The following TMEM30B variants were observed in gnomAD, a reference collection of about 807,000 sequenced individuals.
TMEM30B encodes cell cycle control protein 50B.
TMEM30B carries 25 observed loss-of-function variants against 27.9 expected under a neutral mutation model. That is an observed-to-expected ratio of 0.89 (90% CI 0.65 to 1.25). TMEM30B has a LOEUF of 1.25. Ranked by LOEUF, TMEM30B falls within the 50% of genes most tolerant of loss-of-function variation. The pLI is 0.00. For synonymous variants in TMEM30B, 248 were observed against 238.5 expected (o/e 1.04, Z -0.37); for missense variants, 536 against 506.5 (o/e 1.06, Z -0.56).
Position 61,278,784 on chromosome 14 carries a change from G to T in TMEM30B, c.*1308C>A, listed in dbSNP as rs2140090601. On this transcript the variant is annotated 3_prime_UTR_variant, in exon 1 of 1. Coordinates refer to ENST00000555868, the MANE Select transcript of TMEM30B (RefSeq NM_001017970.3). Reference sequence around the variant, plus strand: ...TGTTAATCAATAAAATCAATGGAATGATTTTAGTTGAGTGTAAACTTCATC... The same window carrying T: ...TGTTAATCAATAAAATCAATGGAATTATTTTAGTTGAGTGTAAACTTCATC... 6.6e-6 allele frequency: 1 copy of T among 152,192 alleles called. No homozygotes were observed. Among genetic ancestry groups the T allele is most frequent in the African/African-American group, 2.4e-5 (1 of 41,530 alleles). 9.4% of individuals were successfully genotyped at this position (152,192 alleles called of 1,614,324 possible).
Position 61,280,344 on chromosome 14 carries a change from G to T in TMEM30B, c.804C>A (p.Arg268=). 1 of 1,613,944 alleles carries T rather than the reference G, an allele frequency of 6.2e-7. No homozygotes were observed. Among genetic ancestry groups the T allele is most frequent in the Non-Finnish European group, 8.5e-7 (1 of 1,179,938 alleles). The change falls in exon 1 of 1, where the codon CGC becomes CGA. Residue 268 remains arginine, a synonymous_variant. Transcript: ENST00000555868. This position sits in a 1 kb window ranked among gnomAD's most constrained non-coding sequence, Gnocchi z 5.0. ...CGGCCGAGTAGTTGCCCTGGCGGAT[G>T]CGCGCGTACAGTTTGCGGAACGTGG... The part of the protein sequence containing the change: ...ALPTFRKLYA[R]IRQGNYSAGL...
In TMEM30B at chr14:61,280,876, G is replaced by C. The variant is rs137950125; in HGVS notation, c.272C>G (p.Pro91Arg). The C allele has an allele frequency of 3.7e-4, 574 of 1,563,116 alleles. 1 individual carries two copies. The highest frequency in any genetic ancestry group is 4.7e-4 in the Non-Finnish European group (541 of 1,162,182). Residue 91 changes from proline to arginine, a missense_variant, in exon 1 of 1, where the codon CCC becomes CGC. Coordinates refer to ENST00000555868, the MANE Select transcript of TMEM30B (RefSeq NM_001017970.3). This position sits in a 1 kb window ranked among gnomAD's most constrained non-coding sequence, Gnocchi z 5.0. ...CGAGAAGTACCAGGCGCACGAGCAG[G>C]GGGGCGGCAGCGCCCGGCCCTGGCC... ...AAGQGRALPPPCSCAWYFSLP... is the reference protein window; with the variant it reads ...AAGQGRALPPRCSCAWYFSLP...
rs1183109487 is a variant in TMEM30B at position 61,278,881 on chromosome 14, A to C, written c.*1211T>G. The C allele has an allele frequency of 6.6e-6, 1 of 152,046 alleles. No individual in the cohort carries two copies. The highest frequency in any genetic ancestry group is 2.4e-5 in the African/African-American group (1 of 41,426). The allele number at this position is 152,046 out of a possible 1,614,324, so 9.4% of individuals were successfully genotyped here. ...TATATGCTTTAACATTGATTCAAAT[A>C]TGATTACTAGAAATCAATAGATTTC... On this transcript the variant is annotated 3_prime_UTR_variant, in exon 1 of 1. Transcript: ENST00000555868.
chr14:61,279,996 G>T lies in TMEM30B; in HGVS notation c.*96C>A. 1.9e-6 allele frequency: 2 copies of T among 1,075,556 alleles called. No individual in the cohort carries two copies. The highest frequency in any genetic ancestry group is 5.5e-5 in the Admixed American group (2 of 36,272). 66.6% of individuals were successfully genotyped at this position (1,075,556 alleles called of 1,614,324 possible). On this transcript the variant is annotated 3_prime_UTR_variant, in exon 1 of 1. Coordinates refer to ENST00000555868, the MANE Select transcript of TMEM30B (RefSeq NM_001017970.3). Reference sequence around the variant, plus strand: ...CATTCACAAAGGGAGGAAAAGCTAGGCGAGGTTGGAATTGGGTGACGGGCG... The same window carrying T: ...CATTCACAAAGGGAGGAAAAGCTAGTCGAGGTTGGAATTGGGTGACGGGCG...
rs2045229745 is a variant in TMEM30B, at chr14:61,278,984, C to CACACACACACAT, written c.*1107_*1108insATGTGTGTGTGT. ...ATGAAGCCCTTTCTAATCACACACA[C>CACACACACACAT]ACACACACACACACACACACACACA... On this transcript the variant is annotated 3_prime_UTR_variant, in exon 1 of 1. Transcript: ENST00000555868. 7.5e-6 allele frequency: 1 copy of CACACACACACAT among 132,940 alleles called. No homozygotes were observed. The highest frequency in any genetic ancestry group is 1.6e-5 in the Non-Finnish European group (1 of 61,234). The allele number at this position is 132,940 out of a possible 1,614,324, so 8.2% of individuals were successfully genotyped here. A position where few individuals can be genotyped will look rare whatever the true frequency, so the allele number is the denominator to read the frequency against.
At position 61,280,407 on chromosome 14, in the gene TMEM30B, A is replaced by C. The variant is rs1252979282; in HGVS notation, c.741T>G (p.Asn247Lys). Residue 247 changes from asparagine (N) to lysine (K), a missense_variant, in exon 1 of 1, where the codon AAT becomes AAG. Asn to Lys is a moderately conservative substitution (Grantham distance 94, BLOSUM62 0). Transcript: ENST00000555868. The surrounding 1 kb of genome is among the most constrained non-coding windows in gnomAD (Gnocchi z 5.0). ...TGCGCATCCACACCACGAAGTCCTGATTGATGAAGCCGGTGTTGTTGGGGT... is the reference window on the plus strand; with the variant it reads ...TGCGCATCCACACCACGAAGTCCTGCTTGATGAAGCCGGTGTTGTTGGGGT... ...SPDPNNTGFI[N>K]QDFVVWMRTA... The C allele has an allele frequency of 1.9e-6, 3 of 1,613,980 alleles. No individual in the cohort carries two copies. In the South Asian group the frequency reaches 3.3e-5, roughly 18 times the overall value.
rs772294789 is a variant in TMEM30B at position 61,280,475 on chromosome 14, G to A, written c.673C>T (p.Pro225Ser). The A allele has an allele frequency of 3.7e-6, 6 of 1,613,234 alleles. No individual in the cohort carries two copies. The highest frequency in any genetic ancestry group is 1.7e-5 in the Admixed American group (1 of 59,972). ...SLALAFQGTA[P>S]PPNWRRPVYE... is the part of the protein sequence containing the mutation. ...ACTGGCCGGCGCCAGTTGGGCGGGG[G>A]CGCCGTGCCCTGGAAGGCCAACGCC... The change falls in exon 1 of 1, where the codon CCC becomes TCC. Residue 225 changes from proline (P) to serine (S), a missense_variant. Pro to Ser is a moderately conservative substitution (Grantham distance 74). Coordinates refer to ENST00000555868, the MANE Select transcript of TMEM30B (RefSeq NM_001017970.3). The surrounding 1 kb of genome is among the most constrained non-coding windows in gnomAD (Gnocchi z 5.0).
rs1022730577 is a variant in TMEM30B at position 61,279,900 on chromosome 14, T to A, written c.*192A>T. On this transcript the variant is annotated 3_prime_UTR_variant, in exon 1 of 1. Transcript: ENST00000555868. ...AGGATGTTTCACTCTGCAGTCAACATCCCTCCCCGCGGCAAGACAGTCTAG... is the reference window on the plus strand; with the variant it reads ...AGGATGTTTCACTCTGCAGTCAACAACCCTCCCCGCGGCAAGACAGTCTAG... The A allele has an allele frequency of 5.7e-5, 34 of 596,652 alleles. No individual in the cohort carries two copies. The highest frequency in any genetic ancestry group is 4.5e-4 in the Middle Eastern group (1 of 2,240). 37.0% of individuals were successfully genotyped at this position (596,652 alleles called of 1,614,324 possible). A position where few individuals can be genotyped will look rare whatever the true frequency, so the allele number is the denominator to read the frequency against.
At position 61,278,875 on chromosome 14, in the gene TMEM30B, T is replaced by G. The variant is rs558880142; in HGVS notation, c.*1217A>C. On this transcript the variant is annotated 3_prime_UTR_variant, in exon 1 of 1. Transcript: ENST00000555868. ...AGACTATATATGCTTTAACATTGAT[T>G]CAAATATGATTACTAGAAATCAATA... 1.3e-5 allele frequency: 2 copies of G among 152,060 alleles called. No homozygotes were observed. The highest frequency in any genetic ancestry group is 1.5e-5 in the Non-Finnish European group (1 of 67,994). 9.4% of individuals were successfully genotyped at this position (152,060 alleles called of 1,614,324 possible). A position where few individuals can be genotyped will look rare whatever the true frequency, so the allele number is the denominator to read the frequency against.
chr14:61,281,281 C>T lies in TMEM30B; in HGVS notation c.-134G>A. 2.3e-6 allele frequency: 1 copy of T among 436,058 alleles called. No homozygotes were observed. Among genetic ancestry groups the T allele is most frequent in the Non-Finnish European group, 3.9e-6 (1 of 256,634 alleles). The allele number at this position is 436,058 out of a possible 1,614,324, so 27.0% of individuals were successfully genotyped here. Reference sequence around the variant, plus strand: ...CCCGCCAGCTCAGGTGGGTTTTTGCCCGGGCCCCTCCTCTGCCTCCGTCAC... The same window carrying T: ...CCCGCCAGCTCAGGTGGGTTTTTGCTCGGGCCCCTCCTCTGCCTCCGTCAC... On this transcript the variant is annotated 5_prime_UTR_variant, in exon 1 of 1. Coordinates refer to ENST00000555868, the MANE Select transcript of TMEM30B (RefSeq NM_001017970.3).
At position 61,278,798 on chromosome 14, in the gene TMEM30B, G is replaced by A. The variant is rs2045226663; in HGVS notation, c.*1294C>T. ...ATCAATGGAATGATTTTAGTTGAGTGTAAACTTCATCTCAAAGGTTCAAAT... is the reference window on the plus strand; with the variant it reads ...ATCAATGGAATGATTTTAGTTGAGTATAAACTTCATCTCAAAGGTTCAAAT... On this transcript the variant is annotated 3_prime_UTR_variant, in exon 1 of 1. Transcript: ENST00000555868. The A allele has an allele frequency of 2.0e-5, 3 of 152,150 alleles. No individual in the cohort carries two copies. Among genetic ancestry groups the A allele is most frequent in the South Asian group, 2.1e-4 (1 of 4,836 alleles). The allele number at this position is 152,150 out of a possible 1,614,324, so 9.4% of individuals were successfully genotyped here.
In TMEM30B at chr14:61,278,706, G is replaced by A. The variant is rs1225024414; in HGVS notation, c.*1386C>T. 6.6e-6 allele frequency: 1 copy of A among 151,968 alleles called. No individual in the cohort carries two copies. Among genetic ancestry groups the A allele is most frequent in the Non-Finnish European group, 1.5e-5 (1 of 68,008 alleles). 9.4% of individuals were successfully genotyped at this position (151,968 alleles called of 1,614,324 possible). A position where few individuals can be genotyped will look rare whatever the true frequency, so the allele number is the denominator to read the frequency against. On this transcript the variant is annotated 3_prime_UTR_variant, in exon 1 of 1. Coordinates refer to ENST00000555868, the MANE Select transcript of TMEM30B (RefSeq NM_001017970.3). ...GTTTTAAGTTATTTTGCTATACAAG[G>A]TTTTTAAAAATAAACTATTGCTTCT...
rs1053658781 is a variant in TMEM30B, at chr14:61,278,845, A to G, written c.*1247T>C. The G allele has an allele frequency of 6.6e-6, 1 of 152,234 alleles. No homozygotes were observed. Among genetic ancestry groups the G allele is most frequent in the Admixed American group, 6.5e-5 (1 of 15,288 alleles). The allele number at this position is 152,234 out of a possible 1,614,324, so 9.4% of individuals were successfully genotyped here. A position where few individuals can be genotyped will look rare whatever the true frequency, so the allele number is the denominator to read the frequency against. On this transcript the variant is annotated 3_prime_UTR_variant, in exon 1 of 1. Coordinates refer to ENST00000555868, the MANE Select transcript of TMEM30B (RefSeq NM_001017970.3). ...AAATAATCTTAAGAATCTAGTTTAC[A>G]TATAAGACTATATATGCTTTAACAT...
In TMEM30B at chr14:61,279,202, C is replaced by G. The variant is rs576171061; in HGVS notation, c.*890G>C. On this transcript the variant is annotated 3_prime_UTR_variant, in exon 1 of 1. Coordinates refer to ENST00000555868, the MANE Select transcript of TMEM30B (RefSeq NM_001017970.3). ...GCCTGTTGGCTTTTACACCAAAATACTAAAATATCAAATGAATCACATAAA... is the reference window on the plus strand; with the variant it reads ...GCCTGTTGGCTTTTACACCAAAATAGTAAAATATCAAATGAATCACATAAA... 1 of 152,324 alleles carries G rather than the reference C, an allele frequency of 6.6e-6. No individual in the cohort carries two copies. The highest frequency in any genetic ancestry group is 2.1e-4 in the South Asian group (1 of 4,824). The allele number at this position is 152,324 out of a possible 1,614,324, so 9.4% of individuals were successfully genotyped here.
Position 61,280,706 on chromosome 14 carries a change from C to T in TMEM30B, c.442G>A (p.Ala148Thr). Residue 148 changes from alanine to threonine, a missense_variant, in exon 1 of 1, where the codon GCC (alanine) becomes ACC (threonine). Coordinates refer to ENST00000555868, the MANE Select transcript of TMEM30B (RefSeq NM_001017970.3). This position sits in a 1 kb window ranked among gnomAD's most constrained non-coding sequence, Gnocchi z 5.0. The stretch of plus-strand genomic sequence containing the variant: ...CCGGCCGCGCTGCGCTGGTAGGGGG[C>T]GCACTCGTTGACAGGGTGGCGCAGC... ...SALRHPVNEC[A>T]PYQRSAAGLP... The T allele has an allele frequency of 6.3e-7, 1 of 1,578,952 alleles. No individual in the cohort carries two copies.
Position 61,280,641 on chromosome 14 carries a change from G to A in TMEM30B, c.507C>T (p.Leu169=). The A allele has an allele frequency of 6.4e-7, 1 of 1,573,196 alleles. No individual in the cohort carries two copies. The highest frequency in any genetic ancestry group is 1.1e-5 in the South Asian group (1 of 87,006). The change falls in exon 1 of 1, where the codon CTC becomes CTT. Residue 169 remains leucine, a synonymous_variant. Coordinates refer to ENST00000555868, the MANE Select transcript of TMEM30B (RefSeq NM_001017970.3). The surrounding 1 kb of genome is among the most constrained non-coding windows in gnomAD (Gnocchi z 5.0). The part of the protein sequence containing the change: ...IAPCGAIANS[L]FNDSFSLWHQ... Reference sequence around the variant, plus strand: ...GCCAAAGCGAGAAGGAGTCGTTGAAGAGGCTGTTGGCGATGGCGCCGCAGG... The same window carrying A: ...GCCAAAGCGAGAAGGAGTCGTTGAAAAGGCTGTTGGCGATGGCGCCGCAGG...
rs1013809827 is a variant in TMEM30B at position 61,281,322 on chromosome 14, C to G, written c.-175G>C. The G allele has an allele frequency of 1.6e-5, 6 of 379,902 alleles. No individual in the cohort carries two copies. The highest frequency in any genetic ancestry group is 7.4e-4 in the Middle Eastern group (1 of 1,354). The allele number at this position is 379,902 out of a possible 1,614,324, so 23.5% of individuals were successfully genotyped here. On this transcript the variant is annotated 5_prime_UTR_variant, in exon 1 of 1. Transcript: ENST00000555868. ...CCTCCGTCACAGGTGAGTTTAGTTCCAGGCCCTACGAGCAGTGCCCACACC... is the reference window on the plus strand; with the variant it reads ...CCTCCGTCACAGGTGAGTTTAGTTCGAGGCCCTACGAGCAGTGCCCACACC...
In TMEM30B at chr14:61,279,881, T is replaced by C; in HGVS notation, c.*211A>G. 1.7e-6 allele frequency: 1 copy of C among 574,278 alleles called. No individual in the cohort carries two copies. The highest frequency in any genetic ancestry group is 2.9e-5 in the East Asian group (1 of 34,136). The allele number at this position is 574,278 out of a possible 1,614,324, so 35.6% of individuals were successfully genotyped here. ...GAGGTGGGAAGAGTTTGCAAGGATG[T>C]TTCACTCTGCAGTCAACATCCCTCC... On this transcript the variant is annotated 3_prime_UTR_variant, in exon 1 of 1. Coordinates refer to ENST00000555868, the MANE Select transcript of TMEM30B (RefSeq NM_001017970.3).
Position 61,280,173 on chromosome 14 carries a change from G to A in TMEM30B, c.975C>T (p.Gly325=), listed in dbSNP as rs778625243. ...PFLGIAYLVV[G]SLCILTGFVM... Reference sequence around the variant, plus strand: ...CAAAGCCGGTGAGGATGCAGAGGGAGCCGACGACCAGGTAGGCGATGCCCA... The same window carrying A: ...CAAAGCCGGTGAGGATGCAGAGGGAACCGACGACCAGGTAGGCGATGCCCA... Residue 325 remains glycine, a synonymous_variant, in exon 1 of 1, where the codon GGC becomes GGT. Coordinates refer to ENST00000555868, the MANE Select transcript of TMEM30B (RefSeq NM_001017970.3). This position sits in a 1 kb window ranked among gnomAD's most constrained non-coding sequence, Gnocchi z 5.0. 6.2e-7 allele frequency: 1 copy of A among 1,614,154 alleles called. No homozygotes were observed. The highest frequency in any genetic ancestry group is 1.3e-5 in the African/African-American group (1 of 75,066).
Sources: gnomAD v4.1 joint callset for allele counts on GRCh38, gnomAD v4.1.1 for gene constraint, Gnocchi (gnomAD v3.1) non-coding constraint, MANE v1.5 for transcripts, NCBI Gene and HGNC (gene_info 2026-07-23, HGNC 2026-07-21) for gene names.